Variants in FCHO2 observed in about 807,000 individuals in gnomAD.
The protein encoded by FCHO2 is FCH and mu domain containing endocytic adaptor 2, also known as F-BAR domain only protein 2.
Under a neutral mutation model 114.1 loss-of-function variants are expected in FCHO2, and 43 were observed. The ratio of observed to expected loss-of-function variants is 0.38; its 90% CI spans 0.30 to 0.49. FCHO2 has a LOEUF of 0.49. Ranked by LOEUF, FCHO2 falls within the 20% of genes least tolerant of loss-of-function variation. The pLI, the probability that FCHO2 is intolerant of heterozygous loss-of-function variation, is 0.97. For synonymous variants in FCHO2, 293 were observed against 315.2 expected (o/e 0.93, Z 0.75); for missense variants, 807 against 950.4 (o/e 0.85, Z 1.98).
chr5:72,996,813 T>C, intron 5 of FCHO2: 1 of 727,338 alleles, frequency 1.4e-6, no homozygotes, highest in Non-Finnish European at 2.3e-6. Context: ...TCCTGCCACT[T>C]AGGGCTGCCG....
chr5:73,051,868 C>T (rs903298426), intron 12 of FCHO2, among the ~76,000 whole-genome samples: 1 of 152,038 alleles, frequency 6.6e-6, no homozygotes, highest in Non-Finnish European at 1.5e-5. Flanking sequence ...ACCCGACTGG[C>T]CTTGACATAT....
At chr5:72,984,599 A>G (rs1382946172) in intron 2 of FCHO2, among the ~76,000 whole-genome samples, 1 of 152,146 alleles carries the variant, frequency 6.6e-6, no homozygotes, top group Non-Finnish European at 1.5e-5. Context: ...TGTGAGTTTG[A>G]AAAGTTATGT....
intron 1 of FCHO2, among the ~76,000 whole-genome samples, chr5:72,962,091 T>C (rs566408118): frequency 2.2e-4 from 34 of 152,354 alleles, no homozygotes; most frequent in Non-Finnish European, 4.6e-4. Context: ...TATAAAATTA[T>C]AGTGTTTTAG....
intron 2 of FCHO2, among the ~76,000 whole-genome samples, chr5:72,982,945 T>C (rs113110244): frequency 2.0e-5 from 3 of 151,448 alleles, no homozygotes; most frequent in Admixed American, 6.6e-5. Flanking sequence ...ACAGAGTATC[T>C]CTCTGTCGCC....
chr5:73,065,266 C>A (rs1249629384), intron 18 of FCHO2, among the ~76,000 whole-genome samples: 2 of 151,662 alleles, frequency 1.3e-5, no homozygotes, highest in Non-Finnish European at 2.9e-5. Flanking sequence ...ATGACTAGAA[C>A]TTTGAGTACA....
intron 8 of FCHO2, chr5:73,021,134 A>T (rs951947787): frequency 2.6e-6 from 2 of 781,064 alleles, no homozygotes; most frequent in Non-Finnish European, 4.8e-6. Context: ...ATCCTCAGGA[A>T]ATCTTCATGG....
intron 18 of FCHO2, among the ~76,000 whole-genome samples, chr5:73,066,027 A>G (rs1742301682): frequency 6.6e-6 from 1 of 152,050 alleles, no homozygotes; most frequent in African/African-American, 2.4e-5. Context: ...TTCACTCAGG[A>G]TAATGGCCTC....
intron 1 of FCHO2, among the ~76,000 whole-genome samples, chr5:72,962,993 A>C (rs2112586433): frequency 6.6e-6 from 1 of 152,290 alleles, no homozygotes; most frequent in Admixed American, 6.5e-5. Context: ...AAACAACAGC[A>C]TGACAGCAAC....
In FCHO2 at chr5:73,068,645, TTA is replaced by T; in HGVS notation, c.1450-4_1450-3del. The T allele has an allele frequency of 6.2e-7, 1 of 1,608,292 alleles. No homozygotes were observed. ...CATTTTGATAAATAACTTTTTGTTTTTAAGCCCAGGCCATTCAGCCCACCTGT... is the reference window on the plus strand; with the variant it reads ...CATTTTGATAAATAACTTTTTGTTTTAGCCCAGGCCATTCAGCCCACCTGT... On this transcript the variant is annotated splice_polypyrimidine_tract_variant and splice_region_variant and intron_variant, in intron 18 of 25. Transcript: ENST00000430046.
intron 11 of FCHO2, among the ~76,000 whole-genome samples, chr5:73,048,071 G>A (rs909484662): frequency 1.4e-5 from 2 of 141,036 alleles, no homozygotes; most frequent in Admixed American, 1.4e-4. Flanking sequence ...GAACTCCTGG[G>A]CTCAAGCAAT....
intron 6 of FCHO2, among the ~76,000 whole-genome samples, chr5:73,012,970 T>G (rs148730971): frequency 6.6e-6 from 1 of 152,314 alleles, no homozygotes; most frequent in Non-Finnish European, 1.5e-5. Flanking sequence ...TGAAGACAGT[T>G]TCCTCGGAAT....
intron 23 of FCHO2, among the ~76,000 whole-genome samples, chr5:73,082,528 C>G (rs1345403169): frequency 6.6e-6 from 1 of 152,032 alleles, no homozygotes; most frequent in African/African-American, 2.4e-5. Flanking sequence ...CTTTCTCTGA[C>G]CAATAGGAAT....
chr5:73,076,643 G>A (rs1194709867), intron 20 of FCHO2, among the ~76,000 whole-genome samples: 1 of 152,108 alleles, frequency 6.6e-6, no homozygotes, highest in Non-Finnish European at 1.5e-5. Flanking sequence ...AAACAGTATG[G>A]ACTGCAGAAT....
chr5:72,988,692 T>G (rs1456454393), intron 2 of FCHO2, among the ~76,000 whole-genome samples: 3 of 152,200 alleles, frequency 2.0e-5, no homozygotes. Flanking sequence ...TATATTTAGT[T>G]TTGTGCAAAT....
chr5:73,015,064 A>G, intron 6 of FCHO2, among the ~76,000 whole-genome samples: 1 of 140,154 alleles, frequency 7.1e-6, no homozygotes, highest in Admixed American at 7.1e-5. Flanking sequence ...TGACAGAGCA[A>G]GACTCCGTCT....
At chr5:73,071,092 T>C (rs1015297085) in intron 19 of FCHO2, among the ~76,000 whole-genome samples, 1 of 152,058 alleles carries the variant, frequency 6.6e-6, no homozygotes, top group Non-Finnish European at 1.5e-5. Flanking sequence ...TATTTCAGTT[T>C]TGTGCTAATT....
In FCHO2 at chr5:72,959,686, A is replaced by C. The variant is rs556442023; in HGVS notation, c.33+3557A>C. The stretch of plus-strand genomic sequence containing the variant: ...TAAATATATATGTTTTTCATCAATT[A>C]AAAGATAAAAACTTGTCAAAGTGAG... On this transcript the variant is annotated intron_variant, in intron 1 of 25. Coordinates refer to ENST00000430046, the MANE Select transcript of FCHO2 (RefSeq NM_138782.3). 2.0e-5 allele frequency among the ~76,000 whole-genome samples: 3 copies of C among 152,346 alleles called. 1 individual carries two copies. The East Asian group carries it at 5.8e-4, about 29-fold the overall frequency.
intron 13 of FCHO2, 145 bp downstream of exon 13, chr5:73,052,652 T>C: frequency 1.5e-6 from 1 of 684,696 alleles, no homozygotes; most frequent in Non-Finnish European, 2.3e-6. Context: ...GGAAATAAAC[T>C]TGTGAATTTG....
intron 2 of FCHO2, among the ~76,000 whole-genome samples, chr5:72,982,871 G>A (rs1753293091): frequency 7.2e-6 from 1 of 137,986 alleles, no homozygotes; most frequent in African/African-American, 2.7e-5. Flanking sequence ...AGTTGTTCCA[G>A]TACCATTTAT....
Sources: allele counts gnomAD v4.1 joint callset (sites outside exome capture counted in the v4.1 genomes callset), GRCh38; gene constraint gnomAD v4.1.1; transcripts MANE v1.5; gene names NCBI Gene and HGNC (gene_info 2026-07-23, HGNC 2026-07-21).